Variants in SETBP1 observed in about 807,000 individuals in gnomAD.
SETBP1 encodes SET binding protein 1.
In SETBP1, 9 loss-of-function variants were observed where a neutral mutation model predicts 101.0. The ratio of observed to expected loss-of-function variants is 0.09; its 90% CI spans 0.05 to 0.16. The LOEUF (loss-of-function observed/expected upper bound fraction) is 0.16. SETBP1 is among the 10% of genes least tolerant of loss of function. The pLI, the probability that SETBP1 is intolerant of heterozygous loss-of-function variation, is 1.00. For synonymous variants in SETBP1, 818 were observed against 788.5 expected (o/e 1.04, Z -0.63); for missense variants, 1,858 against 2,033.8 (o/e 0.91, Z 1.66).
At chr18:44,838,412 C>G (rs1262503100) in intron 2 of SETBP1, among the ~76,000 whole-genome samples, 1 of 152,132 alleles carries the variant, frequency 6.6e-6, no homozygotes, top group Non-Finnish European at 1.5e-5. Context: ...GATACTTTAG[C>G]TTAGCCCTTA....
intron 2 of SETBP1, among the ~76,000 whole-genome samples, chr18:44,857,542 C>T (rs185557581): frequency 6.3e-3 from 53 of 8,434 alleles, no homozygotes; most frequent in African/African-American, 0.016. Flanking sequence ...CCAGTCCCTT[C>T]GGTGGGCCCT....
At chr18:44,760,125 C>G (rs1444296550) in intron 2 of SETBP1, among the ~76,000 whole-genome samples, 1 of 152,152 alleles carries the variant, frequency 6.6e-6, no homozygotes, top group Non-Finnish European at 1.5e-5. Context: ...GGTTCCATTT[C>G]CTATCAGACC....
At chr18:44,974,511 G>T (rs955819594) in intron 4 of SETBP1, among the ~76,000 whole-genome samples, 3 of 152,138 alleles carry the variant, frequency 2.0e-5, no homozygotes, top group Non-Finnish European at 4.4e-5. Context: ...TGTTTTCACT[G>T]CATAAAAGGA....
intron 4 of SETBP1, among the ~76,000 whole-genome samples, chr18:44,985,093 A>G (rs960459902): frequency 1.3e-5 from 2 of 152,152 alleles, no homozygotes; most frequent in African/African-American, 4.8e-5. Context: ...GTGAGCGGAG[A>G]TCATGCCATT....
At chr18:44,841,299 G>T (rs1003605541) in intron 2 of SETBP1, among the ~76,000 whole-genome samples, 1 of 152,146 alleles carries the variant, frequency 6.6e-6, no homozygotes, top group Non-Finnish European at 1.5e-5. Context: ...TCAGCGCATG[G>T]ACTCTCCATG....
chr18:44,994,817 A>G (rs2072455610), intron 4 of SETBP1, among the ~76,000 whole-genome samples: 1 of 152,242 alleles, frequency 6.6e-6, no homozygotes, highest in African/African-American at 2.4e-5. Context: ...ATGAAAAAAC[A>G]TACTATTCAG....
chr18:44,826,879 C>T (rs1421865948), intron 2 of SETBP1, among the ~76,000 whole-genome samples: 1 of 152,166 alleles, frequency 6.6e-6, no homozygotes, highest in African/African-American at 2.4e-5. Flanking sequence ...GTTTGTTTAG[C>T]ACATAATCCA....
chr18:44,971,622 A>G (rs2071861727), intron 4 of SETBP1, among the ~76,000 whole-genome samples: 1 of 152,182 alleles, frequency 6.6e-6, no homozygotes, highest in African/African-American at 2.4e-5. Context: ...TTCTCTGATG[A>G]CCAGTGATGA....
chr18:44,943,836 T>C (rs1472236177), intron 3 of SETBP1, among the ~76,000 whole-genome samples: 2 of 119,562 alleles, frequency 1.7e-5, no homozygotes, highest in African/African-American at 6.6e-5. Context: ...TTTTCTTTTT[T>C]TTTCTTTTTT....
intron 4 of SETBP1, chr18:44,988,835 A>G (rs1198491833): frequency 1.3e-5 from 2 of 152,232 alleles, no homozygotes; most frequent in Non-Finnish European, 2.9e-5. Context: ...CTTAATCTCA[A>G]GACAGTTCTC....
At chr18:44,788,348 G>T (rs2071289612) in intron 2 of SETBP1, among the ~76,000 whole-genome samples, 1 of 152,146 alleles carries the variant, frequency 6.6e-6, no homozygotes, top group Non-Finnish European at 1.5e-5. Flanking sequence ...TATCACTTCT[G>T]ATACATTTGC....
chr18:45,046,187 G>A (rs550199394), intron 5 of SETBP1, among the ~76,000 whole-genome samples: 5 of 152,290 alleles, frequency 3.3e-5, no homozygotes, highest in East Asian at 1.9e-4. Flanking sequence ...ACCTAGCACC[G>A]AGGTGGGCAA....
chr18:44,934,876 T>C (rs1178196835), intron 3 of SETBP1, among the ~76,000 whole-genome samples: 2 of 152,136 alleles, frequency 1.3e-5, no homozygotes, highest in Non-Finnish European at 2.9e-5. Flanking sequence ...CGGAAGACAG[T>C]CCACAAGTGA....
At chr18:44,936,278 G>A (rs879089975) in intron 3 of SETBP1, among the ~76,000 whole-genome samples, 6 of 152,138 alleles carry the variant, frequency 3.9e-5, no homozygotes, top group East Asian at 1.9e-4. Flanking sequence ...GTGGGATCCC[G>A]GGGCAGCGGG....
At chr18:44,772,419 T>A (rs1202396333) in intron 2 of SETBP1, among the ~76,000 whole-genome samples, 1 of 152,134 alleles carries the variant, frequency 6.6e-6, no homozygotes, top group Non-Finnish European at 1.5e-5. Flanking sequence ...GGAGAACGCA[T>A]CCCCTCCTTT....
chr18:44,869,156 C>T, intron 2 of SETBP1, 74 bp from the exon 3 acceptor site: 2 of 1,309,676 alleles, frequency 1.5e-6, no homozygotes, highest in Non-Finnish European at 2.2e-6. Flanking sequence ...AAGTCCATTG[C>T]TGGTCAGTTG....
At chr18:44,881,950 G>A (rs376681198) in intron 3 of SETBP1, among the ~76,000 whole-genome samples, 62 of 152,214 alleles carry the variant, frequency 4.1e-4, no homozygotes, top group African/African-American at 1.2e-3. Context: ...AGTGTCGGAC[G>A]GATAACCATT....
At chr18:44,810,527 C>T (rs1475082612) in intron 2 of SETBP1, among the ~76,000 whole-genome samples, 5 of 152,150 alleles carry the variant, frequency 3.3e-5, no homozygotes, top group Non-Finnish European at 5.9e-5. Context: ...AATGGAACCC[C>T]CAAACAGCAT....
chr18:44,755,042 G>A (rs992583528), intron 2 of SETBP1, among the ~76,000 whole-genome samples: 13 of 152,306 alleles, frequency 8.5e-5, no homozygotes, highest in African/African-American at 3.1e-4. Context: ...CTCACTGAAA[G>A]ATATGAACTA....
Sources: allele counts gnomAD v4.1 joint callset (sites outside exome capture counted in the v4.1 genomes callset), GRCh38; gene constraint gnomAD v4.1.1; transcripts MANE v1.5; gene names NCBI Gene and HGNC (gene_info 2026-07-23, HGNC 2026-07-21).